The following NKAIN3 variants were observed in gnomAD, a reference collection of about 807,000 sequenced individuals.
The protein encoded by NKAIN3 is sodium/potassium transporting ATPase interacting 3.
In NKAIN3, 25 loss-of-function variants were observed where a neutral mutation model predicts 30.2. That is an observed-to-expected ratio of 0.83 (90% CI 0.60 to 1.16). The LOEUF is 1.16. Ranked by LOEUF, NKAIN3 falls within the 50% of genes most tolerant of loss-of-function variation. NKAIN3 has a pLI of 0.00. For missense variants in NKAIN3, 225 were observed against 254.1 expected (o/e 0.89, Z 0.78); for synonymous variants, 91 against 89.6 (o/e 1.02, Z -0.09).
intron 3 of NKAIN3, among the ~76,000 whole-genome samples, chr8:62,600,493 A>G (rs374707923): frequency 1.3e-5 from 2 of 152,054 alleles, no homozygotes; most frequent in East Asian, 3.9e-4. Context: ...TAAATGAGGA[A>G]CCTCATCCAG....
rs775350130 is a variant in NKAIN3, at chr8:62,978,600, C to T, written c.*13193C>T. 7 of 152,410 alleles carry T rather than the reference C, an allele frequency of 4.6e-5. No individual in the cohort carries two copies. Among genetic ancestry groups the T allele is most frequent in the African/African-American group, 7.2e-5 (3 of 41,452 alleles). The allele number at this position is 152,410 out of a possible 1,614,324, so 9.4% of individuals were successfully genotyped here. ...TTGAGCATCCCAGGTCTACTTCAGA[C>T]TGCTGTGCTGGAAGTAAGAATTTCA... On this transcript the variant is annotated 3_prime_UTR_variant, in exon 7 of 7. Transcript: ENST00000623646.
intron 1 of NKAIN3, among the ~76,000 whole-genome samples, chr8:62,429,030 C>T (rs1401378646): frequency 6.6e-6 from 1 of 151,858 alleles, no homozygotes; most frequent in Non-Finnish European, 1.5e-5. Flanking sequence ...AGGGGTCTAG[C>T]TTCATTCTTC....
intron 4 of NKAIN3, among the ~76,000 whole-genome samples, chr8:62,817,080 A>G (rs1818707382): frequency 6.6e-6 from 1 of 152,030 alleles, no homozygotes; most frequent in African/African-American, 2.4e-5. Context: ...CTCTGTGCTG[A>G]GTTTCTGTGC....
At chr8:62,653,569 T>C (rs1812686297) in intron 3 of NKAIN3, among the ~76,000 whole-genome samples, 1 of 152,150 alleles carries the variant, frequency 6.6e-6, no homozygotes, top group Non-Finnish European at 1.5e-5. Flanking sequence ...AGGGGATGCA[T>C]AAGCAAGTTA....
At chr8:62,426,389 A>G (rs1403684778) in intron 1 of NKAIN3, among the ~76,000 whole-genome samples, 1 of 152,008 alleles carries the variant, frequency 6.6e-6, no homozygotes, top group Admixed American at 6.6e-5. Context: ...CAGAATATGA[A>G]TATAGAATAA....
intron 1 of NKAIN3, among the ~76,000 whole-genome samples, chr8:62,299,678 C>T (rs1050044902): frequency 6.6e-6 from 1 of 152,022 alleles, no homozygotes; most frequent in East Asian, 1.9e-4. Flanking sequence ...AGGAACACCT[C>T]TCTGTGTATT....
At chr8:62,958,345 A>C (rs2130902117) in intron 6 of NKAIN3, among the ~76,000 whole-genome samples, 1 of 152,206 alleles carries the variant, frequency 6.6e-6, no homozygotes, top group South Asian at 2.1e-4. Context: ...TGTGATACAC[A>C]GGTCAGGAGT....
chr8:62,274,183 T>C (rs1812861810), intron 1 of NKAIN3, among the ~76,000 whole-genome samples: 1 of 152,212 alleles, frequency 6.6e-6, no homozygotes, highest in Non-Finnish European at 1.5e-5. Flanking sequence ...TATTATTTGT[T>C]TTCTGAGATA....
intron 3 of NKAIN3, among the ~76,000 whole-genome samples, chr8:62,695,908 G>T (rs1814139624): frequency 1.3e-5 from 2 of 152,068 alleles, no homozygotes; most frequent in African/African-American, 4.8e-5. Context: ...TAAATTAAGG[G>T]AGTATTTTCT....
chr8:62,296,213 A>T (rs57029192), intron 1 of NKAIN3, among the ~76,000 whole-genome samples: 4,138 of 152,250 alleles, frequency 0.027, 173 homozygotes, highest in African/African-American at 0.092. Flanking sequence ...TGGATCCTGG[A>T]ATGTTTGCTG....
chr8:62,485,163 C>G (rs2129601183), intron 1 of NKAIN3, among the ~76,000 whole-genome samples: 1 of 152,128 alleles, frequency 6.6e-6, no homozygotes, highest in Non-Finnish European at 1.5e-5. Flanking sequence ...TCTGGTGCCT[C>G]CTGCTTGCTT....
intron 4 of NKAIN3, among the ~76,000 whole-genome samples, chr8:62,809,876 A>G (rs1818433989): frequency 6.6e-6 from 1 of 152,214 alleles, no homozygotes; most frequent in Admixed American, 6.6e-5. Context: ...TGAATCCAGT[A>G]GAGTTGCCTC....
At chr8:62,285,790 G>A (rs1373353126) in intron 1 of NKAIN3, among the ~76,000 whole-genome samples, 1 of 152,140 alleles carries the variant, frequency 6.6e-6, no homozygotes, top group Non-Finnish European at 1.5e-5. Context: ...CAGACAGCTT[G>A]AAAGCAATGG....
chr8:62,360,406 A>G (rs1816517787), intron 1 of NKAIN3, among the ~76,000 whole-genome samples: 2 of 152,200 alleles, frequency 1.3e-5, no homozygotes, highest in Non-Finnish European at 2.9e-5. Context: ...TAGTTGATAA[A>G]TCTCATGGTG....
chr8:62,753,508 A>G (rs1446073725), intron 4 of NKAIN3, among the ~76,000 whole-genome samples: 1 of 152,154 alleles, frequency 6.6e-6, no homozygotes, highest in Non-Finnish European at 1.5e-5. Flanking sequence ...TTAGTAATTA[A>G]TTCAATGAAC....
intron 4 of NKAIN3, among the ~76,000 whole-genome samples, chr8:62,878,974 G>A (rs1297509926): frequency 5.3e-5 from 8 of 152,108 alleles, no homozygotes; most frequent in East Asian, 1.9e-4. Flanking sequence ...ATAAACATAC[G>A]TGTGCATGTG....
At chr8:62,744,192 G>A (rs10957234) in intron 3 of NKAIN3, among the ~76,000 whole-genome samples, 80,888 of 152,016 alleles carry the variant, frequency 0.53, 23,654 homozygotes, top group Non-Finnish European at 0.67. Flanking sequence ...AAAGTACTCA[G>A]CATGCCAAAT....
At chr8:62,253,824 C>T (rs935806848) in intron 1 of NKAIN3, among the ~76,000 whole-genome samples, 1 of 152,114 alleles carries the variant, frequency 6.6e-6, no homozygotes, top group African/African-American at 2.4e-5. Context: ...GCTCACCTGT[C>T]GTAGATATTG....
chr8:62,638,443 G>T lies in NKAIN3; in HGVS notation c.273+48649G>T, dbSNP rs192370818. ...GAGAGGCAAACAAAGCTAGAGACAG[G>T]ATATGGTATGTATCATCAACACTTG... On this transcript the variant is annotated intron_variant, in intron 3 of 6. Transcript: ENST00000623646. 3.8e-3 allele frequency among the ~76,000 whole-genome samples: 579 copies of T among 152,218 alleles called. 3 individuals carry two copies. Among genetic ancestry groups the T allele is most frequent in the African/African-American group, 0.012 (511 of 41,532 alleles).
Sources: gnomAD v4.1 joint callset for allele counts (sites outside exome capture counted in the v4.1 genomes callset) on GRCh38, gnomAD v4.1.1 for gene constraint, MANE v1.5 for transcripts, NCBI Gene and HGNC (gene_info 2026-07-23, HGNC 2026-07-21) for gene names.